The following TENM1 variants were observed in gnomAD, a reference collection of about 807,000 sequenced individuals.
TENM1 encodes teneurin transmembrane protein 1, also known as teneurin-1.
Under a neutral mutation model 174.8 loss-of-function variants are expected in TENM1, and 35 were observed. The ratio of observed to expected loss-of-function variants is 0.20; its 90% CI spans 0.15 to 0.27. The LOEUF is 0.27. TENM1 is among the 10% of genes least tolerant of loss of function. The pLI, the probability that TENM1 is intolerant of heterozygous loss-of-function variation, is 1.00. For synonymous variants in TENM1, 781 were observed against 798.7 expected, an observed-to-expected ratio of 0.98 and a Z score of 0.37; for missense variants, 1,633 against 2,130.1, an observed-to-expected ratio of 0.77 and a Z score of 4.59.
intron 15 of TENM1, among the ~76,000 whole-genome samples, chrX:124,543,955 A>T (rs2048376698): frequency 8.9e-6 from 1 of 112,697 alleles, no homozygotes; most frequent in Non-Finnish European, 1.9e-5. Context: ...TCCTTGCAAC[A>T]CTTAGTCACC....
chrX:124,512,692 C>G (rs1387831279), intron 18 of TENM1, among the ~76,000 whole-genome samples: 4 of 111,637 alleles, frequency 3.6e-5, no homozygotes, highest in Non-Finnish European at 5.7e-5. Context: ...GGTGGTATAT[C>G]CTAGGATCTC....
intron 3 of TENM1, among the ~76,000 whole-genome samples, chrX:124,790,043 A>C (rs748146486): frequency 2.5e-4 from 28 of 112,045 alleles, no homozygotes; most frequent in Middle Eastern, 4.6e-3. Flanking sequence ...GAAGGCAAGG[A>C]GGAGCAAGTC....
intron 28 of TENM1, among the ~76,000 whole-genome samples, chrX:124,388,412 GT>G (rs1286408054): frequency 3.6e-5 from 4 of 112,418 alleles, no homozygotes; most frequent in African/African-American, 1.3e-4. Flanking sequence ...TGGCAAGAAT[GT>G]GGATGATGTG....
At chrX:124,700,181 T>C (rs73215136) in intron 5 of TENM1, among the ~76,000 whole-genome samples, 4,987 of 111,305 alleles carry the variant, frequency 0.045, 92 homozygotes, top group South Asian at 0.13. Context: ...CAAAACATCA[T>C]AGAAGAGGGA....
At chrX:124,887,990 C>T (rs1436134887) in intron 3 of TENM1, among the ~76,000 whole-genome samples, 1 of 111,846 alleles carries the variant, frequency 8.9e-6, no homozygotes, top group Non-Finnish European at 1.9e-5. Context: ...GGAAAACAAA[C>T]AAACAAATTC....
Position 124,405,328 on chromosome X carries a change from GAGAC to G in TENM1, c.5156-66_5156-63del, listed in dbSNP as rs1456628314. ...GAAGGGAAGAGCAGGAAGCAGAAAA[GAGAC>G]AGGTTTAGTTTTAGGAGGCACGTTT... On this transcript the variant is annotated intron_variant, in intron 26 of 31. Coordinates refer to ENST00000422452, the Ensembl canonical transcript of TENM1. The G allele has an allele frequency of 4.0e-6, 4 of 1,004,497 alleles. No individual in the cohort carries two copies. In the African/African-American group the frequency reaches 7.5e-5, roughly 19 times the overall value. 82.8% of individuals were successfully genotyped at this position (1,004,497 alleles called of 1,213,427 possible).
intron 27 of TENM1, among the ~76,000 whole-genome samples, chrX:124,396,014 A>G (rs749240937): frequency 1.8e-5 from 2 of 111,792 alleles, no homozygotes; most frequent in East Asian, 5.6e-4. Context: ...ATCACTGTTT[A>G]AAATCCACCA....
chrX:125,016,945 C>A, the TENM1 span, among the ~76,000 whole-genome samples: 1 of 111,467 alleles, frequency 9.0e-6, no homozygotes, highest in Non-Finnish European at 1.9e-5. Flanking sequence ...ACAGACCTGA[C>A]AAAAACAAGC....
the TENM1 span, among the ~76,000 whole-genome samples, chrX:125,159,662 C>A: frequency 4.7e-5 from 5 of 107,409 alleles, no homozygotes; most frequent in Admixed American, 5.0e-4. Context: ...GAAGTAAATC[C>A]AAAAAAGTTA....
At chrX:124,719,969 T>C (rs2053273286) in intron 4 of TENM1, among the ~76,000 whole-genome samples, 1 of 112,015 alleles carries the variant, frequency 8.9e-6, no homozygotes. Flanking sequence ...ATTTATGTCA[T>C]AGACTGAGAA....
At chrX:125,130,208 T>G in the TENM1 span, among the ~76,000 whole-genome samples, 1 of 111,490 alleles carries the variant, frequency 9.0e-6, no homozygotes, top group Non-Finnish European at 1.9e-5. Flanking sequence ...TTTACCATGC[T>G]ACAACCAAAA....
At chrX:124,666,309 G>A (rs867527748) in intron 6 of TENM1, among the ~76,000 whole-genome samples, 2 of 111,336 alleles carry the variant, frequency 1.8e-5, no homozygotes, top group South Asian at 7.6e-4. Flanking sequence ...CATCCAACCT[G>A]CAGGAATTCA....
chrX:124,447,989 C>T (rs1023118327), intron 23 of TENM1, among the ~76,000 whole-genome samples: 1 of 111,431 alleles, frequency 9.0e-6, no homozygotes, highest in Non-Finnish European at 1.9e-5. Flanking sequence ...CACACAGGCA[C>T]CTCAACGTAC....
At chrX:125,077,752 G>A in the TENM1 span, among the ~76,000 whole-genome samples, 1 of 111,248 alleles carries the variant, frequency 9.0e-6, no homozygotes, top group Non-Finnish European at 1.9e-5. Flanking sequence ...GAGATTATTG[G>A]TGGCTTAATA....
chrX:124,888,247 C>G (rs748541297), intron 3 of TENM1, among the ~76,000 whole-genome samples: 13 of 111,727 alleles, frequency 1.2e-4, no homozygotes, highest in African/African-American at 3.9e-4. Context: ...GGGAGCAGTA[C>G]TAATGGATTT....
intron 3 of TENM1, among the ~76,000 whole-genome samples, chrX:124,795,947 GTTACTTGGTTCTATT>G (rs1023167895): frequency 7.2e-5 from 8 of 110,647 alleles, no homozygotes; most frequent in South Asian, 3.8e-4. Flanking sequence ...ATTAGTAAGG[GTTACTTGGTTCTATT>G]TTACTTGGTT....
chrX:125,058,776 G>T, the TENM1 span, among the ~76,000 whole-genome samples: 3 of 110,174 alleles, frequency 2.7e-5, no homozygotes, highest in Non-Finnish European at 5.7e-5. Flanking sequence ...ATGGGGTGGG[G>T]GTAAGTGCAG....
At chrX:125,015,046 C>A in the TENM1 span, among the ~76,000 whole-genome samples, 1 of 111,034 alleles carries the variant, frequency 9.0e-6, no homozygotes, top group African/African-American at 3.3e-5. Flanking sequence ...GCATTAGCAA[C>A]TGGCCCACAA....
rs748541890 is a variant in TENM1 at position 124,872,030 on chromosome X, C to CAA, written c.535+22264_535+22265dup. Among the ~76,000 whole-genome samples, 198 of 35,245 alleles carry CAA rather than the reference C, an allele frequency of 5.6e-3. 1 individual carries two copies. Among genetic ancestry groups the CAA allele is most frequent in the African/African-American group, 0.016 (156 of 9,985 alleles). 30.6% of individuals were successfully genotyped at this position (35,245 alleles called of 115,157 possible). A position where few individuals can be genotyped will look rare whatever the true frequency, so the allele number is the denominator to read the frequency against. ...CTGGCGACAGAGCGAGACTCTGTCT[C>CAA]AAAAAAAAAAAAAAAAAAAATAGAA... is the stretch of plus-strand genomic sequence containing the variant. On this transcript the variant is annotated intron_variant, in intron 3 of 31. Coordinates refer to ENST00000422452, the Ensembl canonical transcript of TENM1.
Sources: allele counts gnomAD v4.1 joint callset (sites outside exome capture counted in the v4.1 genomes callset), GRCh38; gene constraint gnomAD v4.1.1; transcripts MANE v1.5; gene names NCBI Gene and HGNC (gene_info 2026-07-23, HGNC 2026-07-21).